Variants in PRRC2C observed in about 807,000 individuals in gnomAD.
PRRC2C encodes protein PRRC2C.
PRRC2C carries 72 observed loss-of-function variants against 317.2 expected under a neutral mutation model. The observed-to-expected ratio is 0.23, with a 90% CI of 0.19 to 0.28. The LOEUF (loss-of-function observed/expected upper bound fraction) is 0.28. Among genes scored for constraint, PRRC2C ranks in the 10% least tolerant of loss-of-function variants. PRRC2C has a pLI of 1.00. For synonymous variants in PRRC2C, 1,296 were observed against 1,205.9 expected (o/e 1.07, Z -1.55); for missense variants, 3,074 against 3,459.7 (o/e 0.89, Z 2.80).
chr1:171,587,494 G>T (rs1004839863), intron 31 of PRRC2C, among the ~76,000 whole-genome samples, 154 bp from the exon 32 acceptor site: 3 of 152,208 alleles, frequency 2.0e-5, no homozygotes, highest in Non-Finnish European at 2.9e-5. Context: ...GTTTGGTCAG[G>T]TAATTCCATA....
intron 12 of PRRC2C, 110 bp downstream of exon 12, chr1:171,533,071 G>T: frequency 9.1e-7 from 1 of 1,099,634 alleles, no homozygotes; most frequent in Non-Finnish European, 1.2e-6. Flanking sequence ...AAAAGTGATT[G>T]TTTTATGATA....
chr1:171,566,914 A>G (rs113668310), intron 22 of PRRC2C, 71 bp downstream of exon 22: 4 of 1,486,834 alleles, frequency 2.7e-6, no homozygotes, highest in African/African-American at 2.8e-5. Context: ...AAGAACAGCA[A>G]CAGTCTGCTT....
Position 171,517,671 on chromosome 1 carries a change from G to C in PRRC2C, c.607G>C (p.Asp203His). 2 of 1,613,496 alleles carry C rather than the reference G, an allele frequency of 1.2e-6. No homozygotes were observed. The highest frequency in any genetic ancestry group is 1.7e-6 in the Non-Finnish European group (2 of 1,179,812). ...TCAAGATGAAAAGCTCCCTGGCCAG[G>C]ATGAAAGCACAGCTGGAACATCAGA... is the stretch of plus-strand genomic sequence containing the variant. Reference protein sequence around the residue: ...SDQDEKLPGQDESTAGTSEQN... With the variant: ...SDQDEKLPGQHESTAGTSEQN... Residue 203 changes from aspartate (D) to histidine (H), a missense_variant, in exon 6 of 35, where the codon GAT (aspartate) becomes CAT (histidine). Asp to His is a moderately conservative substitution (Grantham distance 81, BLOSUM62 -1). Around this residue, in one of 11 missense-constraint regions of PRRC2C, gnomAD observed 237 missense variants for 199.5 expected, o/e 1.19. Coordinates refer to ENST00000647382, the MANE Select transcript of PRRC2C (RefSeq NM_001387844.1).
intron 23 of PRRC2C, among the ~76,000 whole-genome samples, chr1:171,570,376 A>G (rs1194800888): frequency 2.0e-5 from 3 of 152,140 alleles, no homozygotes; most frequent in South Asian, 4.1e-4. Flanking sequence ...TAACTGATAC[A>G]TGTTGGTTAG....
rs780287757 is a variant in PRRC2C at position 171,514,663 on chromosome 1, G to A, written c.400+18G>A. 1.3e-6 allele frequency: 2 copies of A among 1,545,788 alleles called. No homozygotes were observed. Among genetic ancestry groups the A allele is most frequent in the South Asian group, 1.2e-5 (1 of 83,904 alleles). On this transcript the variant is annotated intron_variant, in intron 4 of 34. Transcript: ENST00000647382. ...AGGAGATGGTAAGTGGACATTAGTT[G>A]GGGAAGCTGCCTAGGCTTGATAGTT... is the stretch of plus-strand genomic sequence containing the variant.
rs1650181851 is a variant in PRRC2C at position 171,586,962 on chromosome 1, C to A, written c.7750-41C>A. On this transcript the variant is annotated intron_variant, in intron 30 of 34. Transcript: ENST00000647382. ...GTTGTATGGATATGTCTGTAGTAAACAGAAACAAATTGCTTCAGTTTCTCT... is the reference window on the plus strand; with the variant it reads ...GTTGTATGGATATGTCTGTAGTAAAAAGAAACAAATTGCTTCAGTTTCTCT... The A allele has an allele frequency of 2.1e-6, 3 of 1,423,516 alleles. No individual in the cohort carries two copies. In the African/African-American group the frequency reaches 4.2e-5, roughly 20 times the overall value. The allele number at this position is 1,423,516 out of a possible 1,614,324, so 88.2% of individuals were successfully genotyped here.
chr1:171,541,765 A>G lies in PRRC2C; in HGVS notation c.4299A>G (p.Gln1433=), dbSNP rs1429852981. 3.7e-6 allele frequency: 6 copies of G among 1,613,890 alleles called. No individual in the cohort carries two copies. Among genetic ancestry groups the G allele is most frequent in the African/African-American group, 1.3e-5 (1 of 74,934 alleles). The part of the protein sequence containing the change: ...RRQRPTRPPR[Q]DKPPRFRRLR... The stretch of plus-strand genomic sequence containing the variant: ...AGCGTCCTACTCGACCACCAAGGCA[A>G]GACAAGCCACCTCGATTTAGACGGC... Residue 1433 remains glutamine (Q), a synonymous_variant, in exon 16 of 35, where the codon CAA becomes CAG. Coordinates refer to ENST00000647382, the MANE Select transcript of PRRC2C (RefSeq NM_001387844.1). This position sits in a 1 kb window ranked among gnomAD's most constrained non-coding sequence, Gnocchi z 4.1.
chr1:171,591,885 G>GCCCCCCCCC lies in PRRC2C; in HGVS notation c.*38_*39insCCCCCCCCC. The GCCCCCCCCC allele has an allele frequency of 4.6e-6, 2 of 433,598 alleles. No individual in the cohort carries two copies. Among genetic ancestry groups the GCCCCCCCCC allele is most frequent in the Non-Finnish European group, 8.6e-6 (2 of 233,620 alleles). 26.9% of individuals were successfully genotyped at this position (433,598 alleles called of 1,614,324 possible). A position where few individuals can be genotyped will look rare whatever the true frequency, so the allele number is the denominator to read the frequency against. ...ATTGCAGGGGATTGGGAGGGGGGCG[G>GCCCCCCCCC]GAAAACATGGAGAATTAAGTCAGAT... On this transcript the variant is annotated 3_prime_UTR_variant, in exon 35 of 35. Coordinates refer to ENST00000647382, the MANE Select transcript of PRRC2C (RefSeq NM_001387844.1).
intron 5 of PRRC2C, 97 bp downstream of exon 5, chr1:171,515,956 C>A: frequency 7.5e-7 from 1 of 1,340,572 alleles, no homozygotes; most frequent in South Asian, 1.8e-5. Flanking sequence ...TATTTGCCTA[C>A]TTCGAAAAGG....
At chr1:171,581,189 C>G (rs1401753341) in intron 28 of PRRC2C, among the ~76,000 whole-genome samples, 5 of 152,152 alleles carry the variant, frequency 3.3e-5, no homozygotes, top group African/African-American at 1.2e-4. Flanking sequence ...TTAGAAGCCC[C>G]AACTAGAAGC....
chr1:171,546,524 G>C (rs989367908), intron 17 of PRRC2C, among the ~76,000 whole-genome samples: 1 of 152,204 alleles, frequency 6.6e-6, no homozygotes, highest in Non-Finnish European at 1.5e-5. Flanking sequence ...TTTTTGACCA[G>C]TGGTTCTCAA....
intron 28 of PRRC2C, among the ~76,000 whole-genome samples, chr1:171,581,858 A>ATTTTG (rs1648678794): frequency 3.3e-5 from 5 of 152,176 alleles, no homozygotes; most frequent in Non-Finnish European, 7.3e-5. Flanking sequence ...TCTTTAACCC[A>ATTTTG]CTACTTTTGA....
chr1:171,552,825 G>A (rs1557985846), intron 18 of PRRC2C, among the ~76,000 whole-genome samples: 3 of 152,132 alleles, frequency 2.0e-5, no homozygotes, highest in African/African-American at 7.2e-5. Flanking sequence ...AGTTGATCTT[G>A]GTGGATAAGC....
At chr1:171,576,676 GT>G (rs942550363) in intron 25 of PRRC2C, among the ~76,000 whole-genome samples, 1 of 151,924 alleles carries the variant, frequency 6.6e-6, no homozygotes, top group African/African-American at 2.4e-5. Context: ...TTGGTTAGTT[GT>G]TTTTGGAGTT....
At chr1:171,506,718 T>TGTGTGTG (rs1557874779) in intron 1 of PRRC2C, among the ~76,000 whole-genome samples, 5 of 150,242 alleles carry the variant, frequency 3.3e-5, no homozygotes, top group East Asian at 1.9e-4. Context: ...TGTGTGTGTG[T>TGTGTGTG]TTTAATTGGA....
intron 34 of PRRC2C, among the ~76,000 whole-genome samples, chr1:171,589,824 T>C (rs1650977206): frequency 2.0e-5 from 3 of 151,936 alleles, no homozygotes; most frequent in Admixed American, 6.6e-5. Flanking sequence ...TTTTCTTTTT[T>C]TTTGCAACTG....
chr1:171,521,607 C>CG (rs869153386), intron 6 of PRRC2C, among the ~76,000 whole-genome samples: 1 of 113,274 alleles, frequency 8.8e-6, no homozygotes, highest in Non-Finnish European at 1.9e-5. Flanking sequence ...TGAGTTCTTC[C>CG]CCACGCCTGC....
At chr1:171,547,145 C>CTA (rs990615013) in intron 17 of PRRC2C, among the ~76,000 whole-genome samples, 2 of 152,058 alleles carry the variant, frequency 1.3e-5, no homozygotes, top group Non-Finnish European at 2.9e-5. Context: ...CAGATAAAAA[C>CTA]TATATATATT....
At position 171,558,023 on chromosome 1, in the gene PRRC2C, A is replaced by G. The variant is rs781446781; in HGVS notation, c.5911A>G (p.Thr1971Ala). Residue 1971 changes from threonine to alanine, a missense_variant, in exon 19 of 35, where the codon ACA (threonine) becomes GCA (alanine). Physicochemically the swap from Thr to Ala is moderately conservative, Grantham distance 58 (BLOSUM62 0). Around this residue, in one of 11 missense-constraint regions of PRRC2C, gnomAD observed 640 missense variants for 676.1 expected, o/e 0.95. Coordinates refer to ENST00000647382, the MANE Select transcript of PRRC2C (RefSeq NM_001387844.1). ...GCCTTCAGCTCAAACACCTAATGGC[A>G]CAGATTATGTAGCCTCAGGAAAATC... ...RLPSAQTPNG[T>A]DYVASGKSIQ... is the part of the protein sequence containing the mutation. 1.9e-6 allele frequency: 3 copies of G among 1,613,996 alleles called. No individual in the cohort carries two copies. Among genetic ancestry groups the G allele is most frequent in the Non-Finnish European group, 2.5e-6 (3 of 1,179,888 alleles).
Sources: allele counts gnomAD v4.1 joint callset (sites outside exome capture counted in the v4.1 genomes callset), GRCh38; gene constraint gnomAD v4.1.1; regional missense constraint gnomAD v4.1.1; non-coding constraint Gnocchi (gnomAD v3.1); transcripts MANE v1.5; gene names NCBI Gene and HGNC (gene_info 2026-07-23, HGNC 2026-07-21).